PDZD2: variants seen among roughly 807,000 people sequenced by gnomAD.
The protein encoded by PDZD2 is PDZ domain containing 2.
PDZD2 carries 90 observed loss-of-function variants against 220.7 expected under a neutral mutation model. The observed-to-expected ratio is 0.41, with a 90% CI of 0.34 to 0.49. The LOEUF is 0.49. PDZD2 is among the 20% of genes least tolerant of loss of function. The pLI, the probability that PDZD2 is intolerant of heterozygous loss-of-function variation, is 0.28. For missense variants in PDZD2, 3,174 were observed against 3,608.5 expected (o/e 0.88, Z 3.08); for synonymous variants, 1,375 against 1,450.5 (o/e 0.95, Z 1.18).
chr5:31,844,425 C>T (rs528754653), intron 2 of PDZD2, among the ~76,000 whole-genome samples: 2 of 152,226 alleles, frequency 1.3e-5, no homozygotes, highest in African/African-American at 2.4e-5. Context: ...TCAAGCTTCT[C>T]GATTTTTAAC....
chr5:32,087,083 CT>C lies in PDZD2; in HGVS notation c.3683-47del. 1 of 1,082,504 alleles carries C rather than the reference CT, an allele frequency of 9.2e-7. No individual in the cohort carries two copies. The highest frequency in any genetic ancestry group is 1.6e-5 in the African/African-American group (1 of 63,550). The allele number at this position is 1,082,504 out of a possible 1,614,324, so 67.1% of individuals were successfully genotyped here. A position where few individuals can be genotyped will look rare whatever the true frequency, so the allele number is the denominator to read the frequency against. On this transcript the variant is annotated intron_variant, in intron 19 of 24. Transcript: ENST00000438447. The surrounding 1 kb of genome is among the most constrained non-coding windows in gnomAD (Gnocchi z 4.0). ...TCTTATATTATCCCTTTTATCTCCC[CT>C]ACAACCTCTCCTGTGTATGTACCTT... is the stretch of plus-strand genomic sequence containing the variant.
In PDZD2 at chr5:32,039,131, G is replaced by A. The variant is rs183817218; in HGVS notation, c.1519+1789G>A. ...CCCCCTCTCCCTCTCTCCTTTCTAC[G>A]GTCTCCCTCTCTTGCCGAGCCTGGA... On this transcript the variant is annotated intron_variant, in intron 7 of 24. Coordinates refer to ENST00000438447, the MANE Select transcript of PDZD2 (RefSeq NM_178140.4). 7.2e-3 allele frequency among the ~76,000 whole-genome samples: 1,092 copies of A among 151,356 alleles called. 5 individuals are homozygous for A. Among genetic ancestry groups the A allele is most frequent in the Non-Finnish European group, 0.011 (757 of 67,904 alleles).
At chr5:31,658,139 T>C (rs916253255) in intron 1 of PDZD2, among the ~76,000 whole-genome samples, 1 of 152,106 alleles carries the variant, frequency 6.6e-6, no homozygotes, top group African/African-American at 2.4e-5. Context: ...GTCTCTAAGC[T>C]CATCAGATCC....
intron 14 of PDZD2, among the ~76,000 whole-genome samples, chr5:32,067,763 T>A (rs1338919075): frequency 6.6e-6 from 1 of 152,160 alleles, no homozygotes; most frequent in Non-Finnish European, 1.5e-5. Context: ...TTTAAAAAAA[T>A]CTTCCCATGA....
chr5:32,028,243 A>G (rs553632579), intron 6 of PDZD2, among the ~76,000 whole-genome samples: 14 of 152,290 alleles, frequency 9.2e-5, no homozygotes, highest in Non-Finnish European at 1.6e-4. Context: ...GCGACATGCT[A>G]TTAGTCACAG....
At chr5:31,908,970 C>T (rs1293992163) in intron 2 of PDZD2, 1 of 319,514 alleles carries the variant, frequency 3.1e-6, no homozygotes, top group Non-Finnish European at 5.9e-6. Flanking sequence ...TTGCTGAACC[C>T]GGGAGGCGGA....
intron 7 of PDZD2, among the ~76,000 whole-genome samples, chr5:32,046,998 G>C (rs140664861): frequency 2.6e-5 from 4 of 151,870 alleles, no homozygotes; most frequent in Non-Finnish European, 2.9e-5. Context: ...AGCAAATTGC[G>C]CCACTGCACT....
chr5:31,871,601 C>T (rs1424910253), intron 2 of PDZD2, among the ~76,000 whole-genome samples: 1 of 152,026 alleles, frequency 6.6e-6, no homozygotes, highest in African/African-American at 2.4e-5. Flanking sequence ...CAGGCGTGTG[C>T]CACCATGCCC....
chr5:31,894,617 T>C (rs1741372012), intron 2 of PDZD2, among the ~76,000 whole-genome samples: 1 of 152,240 alleles, frequency 6.6e-6, no homozygotes, highest in Non-Finnish European at 1.5e-5. Context: ...CCTGTCCGCA[T>C]GTACACTTAT....
chr5:31,919,504 G>A (rs150250978), intron 2 of PDZD2, among the ~76,000 whole-genome samples: 1,931 of 151,926 alleles, frequency 0.013, 14 homozygotes, highest in Non-Finnish European at 0.018. Context: ...ACGCCACCAC[G>A]CCCAGCTAAT....
At chr5:32,038,711 A>T (rs1385752937) in intron 7 of PDZD2, among the ~76,000 whole-genome samples, 1 of 152,140 alleles carries the variant, frequency 6.6e-6, no homozygotes, top group Non-Finnish European at 1.5e-5. Flanking sequence ...TTAGTGGGAA[A>T]GTCAGCCGTG....
intron 2 of PDZD2, among the ~76,000 whole-genome samples, chr5:31,899,118 C>T (rs772235130): frequency 6.6e-6 from 1 of 151,234 alleles, no homozygotes; most frequent in Non-Finnish European, 1.5e-5. Flanking sequence ...TGAACCACCG[C>T]GCCTGGCCTC....
At chr5:32,099,573 A>T (rs1744059651) in intron 23 of PDZD2, 1 of 152,248 alleles carries the variant, frequency 6.6e-6, no homozygotes, top group Non-Finnish European at 1.5e-5. Context: ...GGCCCTCCTC[A>T]ATACAGGGAA....
At chr5:32,041,131 C>A in intron 7 of PDZD2, among the ~76,000 whole-genome samples, 1 of 143,210 alleles carries the variant, frequency 7.0e-6, no homozygotes, top group Non-Finnish European at 1.5e-5. Context: ...GCCGCCCCGT[C>A]TGGGAAGTGG....
intron 1 of PDZD2, among the ~76,000 whole-genome samples, chr5:31,694,785 TTTTA>T (rs1330322029): frequency 2.2e-5 from 3 of 138,560 alleles, no homozygotes; most frequent in Non-Finnish European, 4.6e-5. Context: ...TTTTATTTTA[TTTTA>T]TTTATTTATT....
intron 16 of PDZD2, 103 bp from the exon 17 acceptor site, chr5:32,072,058 G>A (rs149140324): frequency 9.5e-5 from 75 of 793,572 alleles, no homozygotes; most frequent in Admixed American, 1.4e-4. Flanking sequence ...TCAAGTGACC[G>A]TTGATTAGAA....
chr5:31,970,719 C>T (rs1749225227), intron 2 of PDZD2, among the ~76,000 whole-genome samples: 2 of 151,966 alleles, frequency 1.3e-5, no homozygotes, highest in African/African-American at 2.4e-5. Flanking sequence ...CTCTAAGACA[C>T]CACTGATGGG....
At chr5:31,742,728 G>A (rs534253739) in intron 1 of PDZD2, among the ~76,000 whole-genome samples, 53 of 152,282 alleles carry the variant, frequency 3.5e-4, no homozygotes, top group Admixed American at 3.0e-3. Flanking sequence ...CATCTGTAAA[G>A]TGGAATAATA....
At chr5:32,003,372 A>C (rs1581253190) in intron 5 of PDZD2, among the ~76,000 whole-genome samples, 3 of 42,516 alleles carry the variant, frequency 7.1e-5, no homozygotes, top group Non-Finnish European at 1.7e-4. Flanking sequence ...CCACACACAC[A>C]CCACACACAC....
Sources: allele counts gnomAD v4.1 joint callset (sites outside exome capture counted in the v4.1 genomes callset), GRCh38; gene constraint gnomAD v4.1.1; non-coding constraint Gnocchi (gnomAD v3.1); transcripts MANE v1.5; gene names NCBI Gene and HGNC (gene_info 2026-07-23, HGNC 2026-07-21).